Variants in UACA observed in about 807,000 individuals in gnomAD.
The protein encoded by UACA is uveal autoantigen with coiled-coil domains and ankyrin repeats.
In UACA, 112 loss-of-function variants were observed where a neutral mutation model predicts 160.5. The ratio of observed to expected loss-of-function variants is 0.70; its 90% CI spans 0.60 to 0.82. UACA has a LOEUF of 0.82. UACA is among the 40% of genes least tolerant of loss of function. The pLI, the probability that UACA is intolerant of heterozygous loss-of-function variation, is 0.00. For synonymous variants in UACA, 557 were observed against 568.4 expected, an observed-to-expected ratio of 0.98 and a Z score of 0.29; for missense variants, 1,574 against 1,614.6, an observed-to-expected ratio of 0.97 and a Z score of 0.43.
chr15:70,706,790 T>G (rs1203407420), intron 1 of UACA, among the ~76,000 whole-genome samples: 1 of 152,136 alleles, frequency 6.6e-6, no homozygotes, highest in Admixed American at 6.5e-5. Flanking sequence ...ATTTTTGAAA[T>G]TAAAGAAGTG....
chr15:70,713,211 C>T (rs1332710516), intron 1 of UACA, among the ~76,000 whole-genome samples: 1 of 152,090 alleles, frequency 6.6e-6, no homozygotes, highest in Non-Finnish European at 1.5e-5. Flanking sequence ...ATTAGCCGCG[C>T]GCGGTGGCCG....
chr15:70,710,196 A>T (rs942362748), intron 1 of UACA, among the ~76,000 whole-genome samples: 4 of 152,178 alleles, frequency 2.6e-5, no homozygotes, highest in Admixed American at 2.0e-4. Context: ...TCGGGGCTGC[A>T]GTGAGCCAAG....
At chr15:70,670,688 C>A (rs1303878486) in intron 15 of UACA, among the ~76,000 whole-genome samples, 3 of 151,366 alleles carry the variant, frequency 2.0e-5, no homozygotes, top group African/African-American at 7.3e-5. Context: ...AAAAAAAAAA[C>A]CAAAAAATTA....
chr15:70,673,476 T>C (rs1026857670), intron 13 of UACA, among the ~76,000 whole-genome samples: 1 of 152,184 alleles, frequency 6.6e-6, no homozygotes, highest in Non-Finnish European at 1.5e-5. Context: ...GCCCCCACAG[T>C]ATGAAAAAAT....
chr15:70,657,077 CATTTGTATG>C lies in UACA; in HGVS notation c.4221_4229del (p.Ile1407_Gln1409del). 1.9e-6 allele frequency: 3 copies of C among 1,614,130 alleles called. No individual in the cohort carries two copies. Among genetic ancestry groups the C allele is most frequent in the Non-Finnish European group, 2.5e-6 (3 of 1,179,978 alleles). The stretch of plus-strand genomic sequence containing the variant: ...ACGGCTAGCACACAAGCCCCTGCCG[CATTTGTATG>C]ATCTGGAGCAGAGCCTCCTGAACAT... On this transcript the variant is annotated inframe_deletion, in exon 19 of 19. Transcript: ENST00000322954.
At chr15:70,658,743 G>A (rs1188634761) in intron 18 of UACA, among the ~76,000 whole-genome samples, 1 of 151,936 alleles carries the variant, frequency 6.6e-6, no homozygotes, top group African/African-American at 2.4e-5. Context: ...TACTTAAATA[G>A]GTTTCAGCAC....
At chr15:70,716,951 G>C (rs1898838114) in intron 1 of UACA, among the ~76,000 whole-genome samples, 1 of 152,206 alleles carries the variant, frequency 6.6e-6, no homozygotes, top group South Asian at 2.1e-4. Context: ...GCTGGGCACA[G>C]TGGCTTATGC....
At chr15:70,673,050 C>T (rs1401824407) in intron 13 of UACA, among the ~76,000 whole-genome samples, 5 of 152,122 alleles carry the variant, frequency 3.3e-5, no homozygotes, top group Admixed American at 6.5e-5. Flanking sequence ...GAGCCGAGAT[C>T]GTGCCATTGC....
chr15:70,749,905 T>G (rs2029934851), intron 1 of UACA, among the ~76,000 whole-genome samples: 1 of 152,124 alleles, frequency 6.6e-6, no homozygotes. Context: ...ATTGCTAACA[T>G]ACAGGAAGAT....
At chr15:70,755,948 C>T (rs969294550) in intron 1 of UACA, among the ~76,000 whole-genome samples, 1 of 152,086 alleles carries the variant, frequency 6.6e-6, no homozygotes, top group Non-Finnish European at 1.5e-5. Context: ...TACCTTTCAA[C>T]CTTTTTATGG....
At chr15:70,768,795 G>C in the UACA span, among the ~76,000 whole-genome samples, 1 of 152,292 alleles carries the variant, frequency 6.6e-6, no homozygotes, top group African/African-American at 2.4e-5. Context: ...AAGTTGGATA[G>C]AAAAGTTCCT....
intron 1 of UACA, among the ~76,000 whole-genome samples, chr15:70,750,652 A>G (rs2029988474): frequency 6.6e-6 from 1 of 152,150 alleles, no homozygotes; most frequent in African/African-American, 2.4e-5. Context: ...GGATCGCTTG[A>G]GCCCTCAGGC....
intron 1 of UACA, among the ~76,000 whole-genome samples, chr15:70,739,711 T>C (rs1470067843): frequency 6.6e-6 from 1 of 152,174 alleles, no homozygotes; most frequent in Non-Finnish European, 1.5e-5. Flanking sequence ...TTGAAGTCAA[T>C]ATAAAAGAAG....
At chr15:70,748,138 G>A (rs545797106) in intron 1 of UACA, among the ~76,000 whole-genome samples, 1 of 152,190 alleles carries the variant, frequency 6.6e-6, no homozygotes, top group East Asian at 1.9e-4. Flanking sequence ...CTGGATAATG[G>A]TCCTCAAGAG....
chr15:70,759,703 AT>A (rs2030635395), intron 1 of UACA, among the ~76,000 whole-genome samples: 1 of 152,210 alleles, frequency 6.6e-6, no homozygotes. Flanking sequence ...AACACTCTTC[AT>A]TTATGGTTAA....
chr15:70,719,158 G>A (rs1255430476), intron 1 of UACA, among the ~76,000 whole-genome samples: 1 of 151,630 alleles, frequency 6.6e-6, no homozygotes, highest in African/African-American at 2.4e-5. Flanking sequence ...GAAGAGAAGA[G>A]GCTCAGAAAA....
rs758008300 is a variant in UACA at position 70,668,001 on chromosome 15, G to C, written c.2683C>G (p.Gln895Glu). 2 of 1,601,062 alleles carry C rather than the reference G, an allele frequency of 1.2e-6. No individual in the cohort carries two copies. The highest frequency in any genetic ancestry group is 3.4e-5 in the Admixed American group (2 of 58,248). The change falls in exon 16 of 19, where the codon CAG becomes GAG. Residue 895 changes from glutamine (Q) to glutamate (E), a missense_variant. Gln to Glu is a conservative substitution (Grantham distance 29). Coordinates refer to ENST00000322954, the MANE Select transcript of UACA (RefSeq NM_018003.4). The part of the protein sequence containing the change: ...DVKKKFEDIN[Q>E]EFVKIKDKNE... ...TTATCTTTTATTTTTACAAATTCCT[G>C]ATTTATATCTTCAAATTTTTTCTTC...
chr15:70,778,310 G>T, the UACA span, among the ~76,000 whole-genome samples: 31 of 152,282 alleles, frequency 2.0e-4, no homozygotes, highest in African/African-American at 5.3e-4. Context: ...CAAATCACCA[G>T]AAATTTAGCA....
chr15:70,744,990 T>C (rs974865165), intron 1 of UACA, among the ~76,000 whole-genome samples: 2 of 152,166 alleles, frequency 1.3e-5, no homozygotes, highest in Admixed American at 1.3e-4. Flanking sequence ...CAAAACACTC[T>C]TAAGTCTAGA....
Sources: gnomAD v4.1 joint callset for allele counts (sites outside exome capture counted in the v4.1 genomes callset) on GRCh38, gnomAD v4.1.1 for gene constraint, MANE v1.5 for transcripts, NCBI Gene and HGNC (gene_info 2026-07-23, HGNC 2026-07-21) for gene names.